The following SOX6 variants were observed in gnomAD, a reference collection of about 807,000 sequenced individuals.
SOX6 encodes transcription factor SOX-6.
Under a neutral mutation model 97.8 loss-of-function variants are expected in SOX6, and 11 were observed. The observed-to-expected ratio is 0.11, with a 90% CI of 0.07 to 0.19. The LOEUF (loss-of-function observed/expected upper bound fraction) is 0.19. SOX6 is among the 10% of genes least tolerant of loss of function. The pLI, the probability that SOX6 is intolerant of heterozygous loss-of-function variation, is 1.00. For synonymous variants in SOX6, 360 were observed against 371.4 expected, an observed-to-expected ratio of 0.97 and a Z score of 0.35; for missense variants, 810 against 1,039.5, an observed-to-expected ratio of 0.78 and a Z score of 3.04.
At chr11:16,107,571 A>C (rs1849127560) in intron 7 of SOX6, among the ~76,000 whole-genome samples, 1 of 151,620 alleles carries the variant, frequency 6.6e-6, no homozygotes, top group South Asian at 2.1e-4. Context: ...AATTATATGA[A>C]GTACCTACAA....
intron 1 of SOX6, among the ~76,000 whole-genome samples, chr11:16,354,277 T>C (rs1232928805): frequency 6.6e-6 from 1 of 151,928 alleles, no homozygotes; most frequent in African/African-American, 2.4e-5. Context: ...AATGCTAACT[T>C]TCTTTAAAGA....
chr11:16,308,455 AAT>A (rs2134285545), intron 3 of SOX6, among the ~76,000 whole-genome samples: 1 of 152,264 alleles, frequency 6.6e-6, no homozygotes. Context: ...GACACAACCT[AAT>A]AAGTTAAAAA....
chr11:16,447,306 A>G (rs572052771), intron 1 of SOX6, among the ~76,000 whole-genome samples: 82 of 152,308 alleles, frequency 5.4e-4, no homozygotes, highest in African/African-American at 1.9e-3. Flanking sequence ...TTCTGGCTCT[A>G]TCATTTACTG....
At chr11:16,306,962 A>G (rs1184845796) in intron 3 of SOX6, among the ~76,000 whole-genome samples, 1 of 152,132 alleles carries the variant, frequency 6.6e-6, no homozygotes, top group African/African-American at 2.4e-5. Flanking sequence ...CTCACTAGAG[A>G]AAGATTACAA....
At chr11:16,537,000 C>T (rs1032226468) in intron 4 of SOX6, among the ~76,000 whole-genome samples, 3 of 152,216 alleles carry the variant, frequency 2.0e-5, no homozygotes, top group African/African-American at 7.2e-5. Context: ...ACTGCTTCCT[C>T]AAGTGAGTCA....
intron 3 of SOX6, among the ~76,000 whole-genome samples, chr11:16,254,353 C>T (rs1453553400): frequency 1.3e-5 from 2 of 151,980 alleles, no homozygotes; most frequent in Non-Finnish European, 2.9e-5. Context: ...CATCAATGTA[C>T]TTGATTACAT....
chr11:16,334,284 C>T (rs1856395020), intron 2 of SOX6, among the ~76,000 whole-genome samples: 1 of 152,010 alleles, frequency 6.6e-6, no homozygotes, highest in South Asian at 2.1e-4. Context: ...TAGCAAAGTA[C>T]TGGATTTTTA....
At chr11:16,521,580 C>T (rs1210334594) in intron 4 of SOX6, among the ~76,000 whole-genome samples, 1 of 152,224 alleles carries the variant, frequency 6.6e-6, no homozygotes, top group Non-Finnish European at 1.5e-5. Context: ...AGCGCCTCTT[C>T]TCCTCCAAAG....
At chr11:16,058,278 G>A (rs1340759459) in intron 9 of SOX6, among the ~76,000 whole-genome samples, 1 of 151,812 alleles carries the variant, frequency 6.6e-6, no homozygotes, top group Admixed American at 6.6e-5. Flanking sequence ...TCTTTTTATA[G>A]CATCCTGTTC....
intron 1 of SOX6, among the ~76,000 whole-genome samples, chr11:16,464,109 C>T (rs1859984381): frequency 1.3e-5 from 2 of 152,146 alleles, no homozygotes; most frequent in Non-Finnish European, 2.9e-5. Context: ...AAGATTATTT[C>T]TCTATCCTGT....
At chr11:16,179,754 C>T (rs2134096346) in intron 6 of SOX6, among the ~76,000 whole-genome samples, 1 of 152,000 alleles carries the variant, frequency 6.6e-6, no homozygotes, top group East Asian at 1.9e-4. Context: ...AGCCAAATGC[C>T]TAAATAAAAC....
chr11:16,671,853 T>A (rs188758063), intron 3 of SOX6, among the ~76,000 whole-genome samples: 69 of 152,288 alleles, frequency 4.5e-4, no homozygotes, highest in Admixed American at 1.2e-3. Context: ...AGCCATCAGA[T>A]TTTCCAAGGT....
intron 3 of SOX6, among the ~76,000 whole-genome samples, chr11:16,637,202 T>C (rs1848803502): frequency 6.6e-6 from 1 of 152,160 alleles, no homozygotes; most frequent in Non-Finnish European, 1.5e-5. Flanking sequence ...TTCTTCTTAT[T>C]CCAGCTTCTT....
At chr11:16,163,575 C>T (rs1039977446) in intron 6 of SOX6, among the ~76,000 whole-genome samples, 7 of 152,148 alleles carry the variant, frequency 4.6e-5, no homozygotes, top group African/African-American at 1.7e-4. Context: ...GGGAAGAAAA[C>T]AAACTCTTCC....
intron 3 of SOX6, among the ~76,000 whole-genome samples, chr11:16,302,496 C>T (rs1855287553): frequency 6.6e-6 from 1 of 151,674 alleles, no homozygotes; most frequent in African/African-American, 2.4e-5. Context: ...TCAATAAATC[C>T]CTATTTAGAT....
chr11:16,267,496 C>T (rs2134223638), intron 3 of SOX6, among the ~76,000 whole-genome samples: 1 of 151,582 alleles, frequency 6.6e-6, no homozygotes, highest in Non-Finnish European at 1.5e-5. Flanking sequence ...ATGGAGATAT[C>T]ATTGCACACC....
intron 4 of SOX6, among the ~76,000 whole-genome samples, chr11:16,566,236 T>C (rs1226200067): frequency 6.6e-6 from 1 of 152,162 alleles, no homozygotes; most frequent in Non-Finnish European, 1.5e-5. Flanking sequence ...AGTTTACTAA[T>C]GGTCACCTAA....
chr11:16,031,211 C>T (rs1216184825), intron 12 of SOX6, among the ~76,000 whole-genome samples: 1 of 152,182 alleles, frequency 6.6e-6, no homozygotes, highest in Admixed American at 6.5e-5. Context: ...CTACGATTCA[C>T]ATAGCTTCAT....
At chr11:16,643,194 G>T (rs1054243888) in intron 3 of SOX6, among the ~76,000 whole-genome samples, 1 of 152,222 alleles carries the variant, frequency 6.6e-6, no homozygotes, top group African/African-American at 2.4e-5. Context: ...GACCCTGTTG[G>T]CCTGGGTGTC....
Sources: allele counts gnomAD v4.1 joint callset (sites outside exome capture counted in the v4.1 genomes callset), GRCh38; gene constraint gnomAD v4.1.1; transcripts MANE v1.5; gene names NCBI Gene and HGNC (gene_info 2026-07-23, HGNC 2026-07-21).